The following CPLANE1 variants were observed in gnomAD, a reference collection of about 807,000 sequenced individuals.
CPLANE1 encodes ciliogenesis and planar polarity effector complex subunit 1.
Under a neutral mutation model 362.5 loss-of-function variants are expected in CPLANE1, and 263 were observed. The ratio of observed to expected loss-of-function variants is 0.73; its 90% CI spans 0.66 to 0.80. CPLANE1 has a LOEUF of 0.80. Ranked by LOEUF, CPLANE1 falls within the 30% of genes least tolerant of loss-of-function variation. CPLANE1 has a pLI of 0.00. For missense variants in CPLANE1, 3,461 were observed against 3,793.4 expected (o/e 0.91, Z 2.30); for synonymous variants, 1,212 against 1,302.6 (o/e 0.93, Z 1.50).
chr5:37,247,780 G>GCATAATAT (rs1205708506), intron 1 of CPLANE1, 35 bp from the exon 2 acceptor site: 18 of 1,384,076 alleles, frequency 1.3e-5, no homozygotes, highest in Non-Finnish European at 1.7e-5. Context: ...TATAAATGAT[G>GCATAATAT]CATAATATTC....
intron 41 of CPLANE1, among the ~76,000 whole-genome samples, chr5:37,156,561 C>T (rs1175633216): frequency 1.3e-5 from 2 of 152,120 alleles, no homozygotes; most frequent in African/African-American, 2.4e-5. Flanking sequence ...ACTATGATCA[C>T]ACCACTGTAC....
At position 37,135,455 on chromosome 5, in the gene CPLANE1, C is replaced by T. The variant is rs147176010; in HGVS notation, c.8792+3265G>A. On this transcript the variant is annotated intron_variant, in intron 46 of 52. Coordinates refer to ENST00000651892, the MANE Select transcript of CPLANE1 (RefSeq NM_001384732.1). ...GGCCTCAAGAAACTTATAATCATCGCGGAAGGGGAAGCAAACATGTCCTTC... is the reference window on the plus strand; with the variant it reads ...GGCCTCAAGAAACTTATAATCATCGTGGAAGGGGAAGCAAACATGTCCTTC... 5.1e-4 allele frequency among the ~76,000 whole-genome samples: 78 copies of T among 152,206 alleles called. 1 individual carries two copies. Among genetic ancestry groups the T allele is most frequent in the African/African-American group, 1.6e-3 (67 of 41,520 alleles).
chr5:37,148,875 A>C (rs1772596757), intron 42 of CPLANE1, among the ~76,000 whole-genome samples: 1 of 152,050 alleles, frequency 6.6e-6, no homozygotes, highest in South Asian at 2.1e-4. Context: ...ACATGGCAAA[A>C]TCCCGTCTCT....
intron 15 of CPLANE1, among the ~76,000 whole-genome samples, chr5:37,217,209 G>GCAAAA (rs1158938481): frequency 6.6e-6 from 1 of 152,172 alleles, no homozygotes; most frequent in Non-Finnish European, 1.5e-5. Flanking sequence ...CAAACCTTAT[G>GCAAAA]CAAAACTCAG....
At chr5:37,206,956 C>T (rs1446362968) in intron 16 of CPLANE1, among the ~76,000 whole-genome samples, 3 of 151,524 alleles carry the variant, frequency 2.0e-5, no homozygotes, top group Non-Finnish European at 4.4e-5. Flanking sequence ...CAATAAAAGA[C>T]TAAGTTGAGG....
intron 42 of CPLANE1, among the ~76,000 whole-genome samples, chr5:37,150,174 T>A (rs532499169): frequency 1.2e-4 from 19 of 152,314 alleles, no homozygotes; most frequent in African/African-American, 4.6e-4. Context: ...CTTAATGGAC[T>A]CAGACATGTG....
In CPLANE1 at chr5:37,138,763, T is replaced by C. The variant is rs775613776; in HGVS notation, c.8749A>G (p.Ser2917Gly). The change falls in exon 46 of 53, where the codon AGT becomes GGT. Residue 2917 changes from serine (S) to glycine (G), a missense_variant. Ser to Gly is a moderately conservative substitution (Grantham distance 56). Transcript: ENST00000651892. ...DDLIIKDGVS[S>G]EELGLTEQAM... ...TGTTCTGTTAAGCCAAGTTCTTCAC[T>C]GGAAACTCCGTCTTTAATTATAAGG... The C allele has an allele frequency of 1.9e-6, 3 of 1,613,074 alleles. No individual in the cohort carries two copies. The highest frequency in any genetic ancestry group is 2.5e-6 in the Non-Finnish European group (3 of 1,179,582).
chr5:37,121,733 C>T lies in CPLANE1; in HGVS notation c.9069G>A (p.Leu3023=), dbSNP rs1006171379. 6.2e-7 allele frequency: 1 copy of T among 1,614,082 alleles called. No individual in the cohort carries two copies. The highest frequency in any genetic ancestry group is 8.5e-7 in the Non-Finnish European group (1 of 1,179,926). The change falls in exon 49 of 53, where the codon CTG becomes CTA. Residue 3023 remains leucine, a synonymous_variant. Coordinates refer to ENST00000651892, the MANE Select transcript of CPLANE1 (RefSeq NM_001384732.1). ...CTGACTCAGATAACAGTTCATTCAT[C>T]AGACCGTACGCTTGTGAGATTCGAC... The part of the protein sequence containing the change: ...YSRRISQAYG[L]MNELLSESVQ...
intron 46 of CPLANE1, among the ~76,000 whole-genome samples, chr5:37,135,579 A>G (rs551853378): frequency 2.0e-5 from 3 of 152,138 alleles, no homozygotes; most frequent in Non-Finnish European, 4.4e-5. Context: ...TCACACCTGT[A>G]ATCCCAGCAC....
At position 37,169,440 on chromosome 5, in the gene CPLANE1, G is replaced by A; in HGVS notation, c.6584C>T (p.Thr2195Ile). 3.1e-6 allele frequency: 5 copies of A among 1,614,186 alleles called. No homozygotes were observed. The highest frequency in any genetic ancestry group is 4.2e-6 in the Non-Finnish European group (5 of 1,180,030). Residue 2195 changes from threonine to isoleucine, a missense_variant, in exon 34 of 53, where the codon ACT becomes ATT. By Grantham distance (89) the Thr-to-Ile change is moderately conservative (BLOSUM62 -1). Coordinates refer to ENST00000651892, the MANE Select transcript of CPLANE1 (RefSeq NM_001384732.1). ...TSFYPAPAGN[T>I]HLYLLSTPSV... is the part of the protein sequence containing the mutation. ...AGGTGTGGACAAAAGGTAGAGGTGA[G>A]TATTTCCAGCAGGAGCTGGATAAAA...
At chr5:37,087,830 G>A in the CPLANE1 span, among the ~76,000 whole-genome samples, 3 of 152,246 alleles carry the variant, frequency 2.0e-5, no homozygotes, top group Admixed American at 6.5e-5. Context: ...GCCCATTTAC[G>A]AAAGGAATGA....
Position 37,184,975 on chromosome 5 carries a change from T to G in CPLANE1, c.4294A>C (p.Asn1432His). ...VQRNIGSFEV[N>H]IWEPIEEEKP... ...TCTTCTTCAATTGGTTCCCATATAT[T>G]CACTTCAAAAGAGCCTATATTTCTC... Residue 1432 changes from asparagine (N) to histidine (H), a missense_variant, in exon 25 of 53, where the codon AAT becomes CAT. Physicochemically the swap from Asn to His is moderately conservative, Grantham distance 68. Coordinates refer to ENST00000651892, the MANE Select transcript of CPLANE1 (RefSeq NM_001384732.1). 4 of 1,614,072 alleles carry G rather than the reference T, an allele frequency of 2.5e-6. No homozygotes were observed. Among genetic ancestry groups the G allele is most frequent in the Non-Finnish European group, 3.4e-6 (4 of 1,179,950 alleles).
the CPLANE1 span, among the ~76,000 whole-genome samples, chr5:37,089,666 C>T: frequency 1.3e-5 from 2 of 152,182 alleles, no homozygotes; most frequent in Admixed American, 6.5e-5. Flanking sequence ...AGCTCCCTTC[C>T]CCCACGGCGA....
chr5:37,189,700 T>C (rs547292863), intron 21 of CPLANE1, among the ~76,000 whole-genome samples: 21 of 152,278 alleles, frequency 1.4e-4, no homozygotes, highest in African/African-American at 4.6e-4. Context: ...CAACAGAATA[T>C]ATCAAGCGTG....
At chr5:37,096,708 A>G in the CPLANE1 span, among the ~76,000 whole-genome samples, 2 of 152,166 alleles carry the variant, frequency 1.3e-5, no homozygotes, top group Non-Finnish European at 2.9e-5. Context: ...AATCAGCAAG[A>G]AAAAAGCAAA....
intron 38 of CPLANE1, among the ~76,000 whole-genome samples, chr5:37,158,689 C>T (rs1471607725): frequency 6.6e-6 from 1 of 151,930 alleles, no homozygotes. Flanking sequence ...TCAACAAAAC[C>T]AGATTTTAGA....
rs570312147 is a variant in CPLANE1 at position 37,179,448 on chromosome 5, C to T, written c.5738-5G>A. 16 of 1,600,428 alleles carry T rather than the reference C, an allele frequency of 1.0e-5. No homozygotes were observed. In the East Asian group the frequency reaches 1.6e-4, roughly 16 times the overall value. On this transcript the variant is annotated splice_polypyrimidine_tract_variant and splice_region_variant and intron_variant, in intron 28 of 52. Coordinates refer to ENST00000651892, the MANE Select transcript of CPLANE1 (RefSeq NM_001384732.1). The stretch of plus-strand genomic sequence containing the variant: ...CAACAGATTCTTCAATGTCTTCTAG[C>T]GATAAGTGAAGATGAAGAGAAAACT...
At position 37,182,903 on chromosome 5, in the gene CPLANE1, A is replaced by G. The variant is rs1355472894; in HGVS notation, c.5278T>C (p.Cys1760Arg). ...GATGACTCAGTTATACCAGAATCAC[A>G]GAGTAGCCTTCTATTAGACCACCTT... ...MIRWSNRRLL[C>R]DSGITESSSE... Residue 1760 changes from cysteine to arginine, a missense_variant, in exon 26 of 53, where the codon TGT becomes CGT. Physicochemically the swap from Cys to Arg is radical, Grantham distance 180. Around this residue, in one of 2 missense-constraint regions of CPLANE1, gnomAD observed 3,380 missense variants for 3,666.1 expected, o/e 0.92. Transcript: ENST00000651892. 4 of 1,606,650 alleles carry G rather than the reference A, an allele frequency of 2.5e-6. No individual in the cohort carries two copies. Among genetic ancestry groups the G allele is most frequent in the Non-Finnish European group, 3.4e-6 (4 of 1,177,684 alleles).
Position 37,164,978 on chromosome 5 carries a change from C to T in CPLANE1, c.7533+561G>A, listed in dbSNP as rs557469806. ...TTAATTAGCTGGGCATGGTGGCACA[C>T]ACCTGTAGTTCTAGCTATTTGGGAG... On this transcript the variant is annotated intron_variant, in intron 36 of 52. Transcript: ENST00000651892. 1.1e-4 allele frequency among the ~76,000 whole-genome samples: 16 copies of T among 152,180 alleles called. 1 individual carries two copies. In the South Asian group the frequency reaches 3.1e-3, roughly 30 times the overall value.
Sources: allele counts gnomAD v4.1 joint callset (sites outside exome capture counted in the v4.1 genomes callset), GRCh38; gene constraint gnomAD v4.1.1; regional missense constraint gnomAD v4.1.1; transcripts MANE v1.5; gene names NCBI Gene and HGNC (gene_info 2026-07-23, HGNC 2026-07-21).